IL1RAPL1: variants seen among roughly 807,000 people sequenced by gnomAD.
IL1RAPL1 encodes the protein interleukin 1 receptor accessory protein like 1, also known as interleukin-1 receptor accessory protein-like 1.
A neutral mutation model predicts 48.4 loss-of-function variants in IL1RAPL1; 3 were observed. The observed-to-expected ratio is 0.06, with a 90% CI of 0.03 to 0.16. The LOEUF (loss-of-function observed/expected upper bound fraction) is 0.16, where lower values mean the gene tolerates loss of function less well. Among genes scored for constraint, IL1RAPL1 ranks in the 10% least tolerant of loss-of-function variants. The pLI is 1.00. For missense variants in IL1RAPL1, 349 were observed against 530.6 expected, an observed-to-expected ratio of 0.66 and a Z score of 3.36; for synonymous variants, 185 against 187.7, an observed-to-expected ratio of 0.99 and a Z score of 0.12.
intron 6 of IL1RAPL1, among the ~76,000 whole-genome samples, chrX:29,747,465 A>G (rs1928360418): frequency 8.9e-6 from 1 of 112,503 alleles, no homozygotes; most frequent in African/African-American, 3.2e-5. Flanking sequence ...TTATTTATCA[A>G]GAGGGCTCTT....
chrX:28,863,371 A>G lies in IL1RAPL1; in HGVS notation c.82+73946A>G, dbSNP rs891874234. Among the ~76,000 whole-genome samples, 4 of 107,781 alleles carry G rather than the reference A, an allele frequency of 3.7e-5. No homozygotes were observed. The Admixed American group carries it at 4.0e-4, about 11-fold the overall frequency. 93.6% of individuals were successfully genotyped at this position (107,781 alleles called of 115,157 possible). A position where few individuals can be genotyped will look rare whatever the true frequency, so the allele number is the denominator to read the frequency against. ...AATGAGTGTGGTTGTGTTCCAATAA[A>G]CCTTGATTTACAGAAACAGATGCTT... On this transcript the variant is annotated intron_variant, in intron 2 of 10. Coordinates refer to ENST00000378993, the MANE Select transcript of IL1RAPL1 (RefSeq NM_014271.4).
chrX:28,899,224 A>G (rs893289164), intron 2 of IL1RAPL1, among the ~76,000 whole-genome samples: 4 of 111,502 alleles, frequency 3.6e-5, no homozygotes, highest in Non-Finnish European at 5.7e-5. Flanking sequence ...AGCCCCCATG[A>G]TCCAATTACC....
intron 1 of IL1RAPL1, among the ~76,000 whole-genome samples, chrX:28,600,082 A>G (rs1934005072): frequency 8.9e-6 from 1 of 111,806 alleles, no homozygotes. Flanking sequence ...GGATGGGTAT[A>G]CAGGCCATTA....
In IL1RAPL1 at chrX:28,868,098, CAAA is replaced by C. The variant is rs764922491; in HGVS notation, c.82+78679_82+78681del. Among the ~76,000 whole-genome samples the C allele has an allele frequency of 2.7e-5, 3 of 110,901 alleles. No individual in the cohort carries two copies. The South Asian group carries it at 1.1e-3, about 42-fold the overall frequency. ...ATATCAGTTTATGACAGTATAACTA[CAAA>C]AAAAAGTATAGTCACCAAAGTAAAC... On this transcript the variant is annotated intron_variant, in intron 2 of 10. Coordinates refer to ENST00000378993, the MANE Select transcript of IL1RAPL1 (RefSeq NM_014271.4).
intron 2 of IL1RAPL1, among the ~76,000 whole-genome samples, chrX:29,030,352 A>G (rs1347393716): frequency 9.0e-6 from 1 of 111,467 alleles, no homozygotes; most frequent in Non-Finnish European, 1.9e-5. Flanking sequence ...GGACACTTTA[A>G]CAATATTGAG....
intron 9 of IL1RAPL1, among the ~76,000 whole-genome samples, chrX:29,953,914 A>G (rs1933363517): frequency 9.1e-6 from 1 of 110,301 alleles, no homozygotes; most frequent in Non-Finnish European, 1.9e-5. Context: ...ACAAGCAGTC[A>G]AGATTCTCTG....
At chrX:29,276,989 A>G (rs752612416) in intron 2 of IL1RAPL1, among the ~76,000 whole-genome samples, 69 of 112,459 alleles carry the variant, frequency 6.1e-4, no homozygotes, top group African/African-American at 2.2e-3. Context: ...AATGAAATAC[A>G]TGTAAGCAAA....
chrX:29,801,017 A>C (rs55878637), intron 6 of IL1RAPL1, among the ~76,000 whole-genome samples: 21 of 71,313 alleles, frequency 2.9e-4, no homozygotes, highest in African/African-American at 3.8e-4. Context: ...AAAAAAAAAA[A>C]AAAAAAAAAA....
chrX:29,076,802 G>GTCTGTCTGTCTATCTGTCTA lies in IL1RAPL1; in HGVS notation c.83-206133_83-206132insGTCTGTCTATCTGTCTATCT, dbSNP rs568595100. 5.1e-5 allele frequency among the ~76,000 whole-genome samples: 5 copies of GTCTGTCTGTCTATCTGTCTA among 97,272 alleles called. No homozygotes were observed. In the South Asian group the frequency reaches 2.6e-3, roughly 51 times the overall value. 84.5% of individuals were successfully genotyped at this position (97,272 alleles called of 115,157 possible). ...TATCTGTCTGTCTGTCTGTCTGTCT[G>GTCTGTCTGTCTATCTGTCTA]TCTATCTATCTATCTATCTATCTAT... On this transcript the variant is annotated intron_variant, in intron 2 of 10. Coordinates refer to ENST00000378993, the MANE Select transcript of IL1RAPL1 (RefSeq NM_014271.4).
chrX:29,600,876 G>C (rs953357584), intron 5 of IL1RAPL1, among the ~76,000 whole-genome samples: 3 of 111,047 alleles, frequency 2.7e-5, no homozygotes, highest in Non-Finnish European at 3.8e-5. Context: ...ATCTCACCCC[G>C]CTCCCACACA....
At chrX:28,863,171 C>T (rs1292886474) in intron 2 of IL1RAPL1, among the ~76,000 whole-genome samples, 5 of 111,575 alleles carry the variant, frequency 4.5e-5, no homozygotes, top group East Asian at 2.8e-4. Flanking sequence ...TGAGCCACTG[C>T]GCCTGGTCTC....
intron 8 of IL1RAPL1, among the ~76,000 whole-genome samples, chrX:29,921,181 ATTGT>A (rs1454648506): frequency 1.8e-5 from 2 of 112,261 alleles, no homozygotes; most frequent in African/African-American, 6.5e-5. Context: ...TGTTAGTAAA[ATTGT>A]TTGTGTATAT....
At chrX:29,262,663 CAAA>C (rs768734185) in intron 2 of IL1RAPL1, among the ~76,000 whole-genome samples, 2 of 78,260 alleles carry the variant, frequency 2.6e-5, no homozygotes. Flanking sequence ...AACTCCATCT[CAAA>C]AAAAAAAAAA....
At chrX:29,669,032 T>G (rs747218174) in intron 6 of IL1RAPL1, among the ~76,000 whole-genome samples, 1 of 111,638 alleles carries the variant, frequency 9.0e-6, no homozygotes, top group Non-Finnish European at 1.9e-5. Flanking sequence ...ACTAGCAGAT[T>G]TGGGACATAA....
At chrX:29,634,204 G>A (rs907660511) in intron 5 of IL1RAPL1, among the ~76,000 whole-genome samples, 4 of 111,807 alleles carry the variant, frequency 3.6e-5, no homozygotes, top group African/African-American at 9.8e-5. Context: ...GAGATACGAG[G>A]TACTTCTGGA....
chrX:28,842,861 T>C (rs1921409505), intron 2 of IL1RAPL1, among the ~76,000 whole-genome samples: 1 of 111,353 alleles, frequency 9.0e-6, no homozygotes, highest in Middle Eastern at 4.6e-3. Context: ...TTTTGCCTCA[T>C]ACAGAATAAG....
At chrX:29,898,820 AT>A (rs1932440674) in intron 6 of IL1RAPL1, among the ~76,000 whole-genome samples, 1 of 112,278 alleles carries the variant, frequency 8.9e-6, no homozygotes, top group South Asian at 3.7e-4. Context: ...GTATTAAAAA[AT>A]AAATAAAATA....
chrX:28,999,426 C>A (rs908955305), intron 2 of IL1RAPL1, among the ~76,000 whole-genome samples: 3 of 111,503 alleles, frequency 2.7e-5, no homozygotes, highest in Non-Finnish European at 5.7e-5. Context: ...TTTATGCTAG[C>A]CCAATCCCTG....
At chrX:29,578,914 G>A (rs1265788425) in intron 5 of IL1RAPL1, among the ~76,000 whole-genome samples, 1 of 111,785 alleles carries the variant, frequency 8.9e-6, no homozygotes, top group Non-Finnish European at 1.9e-5. Flanking sequence ...GGGCAATTTG[G>A]GCTGTGTTCT....
Sources: gnomAD v4.1 joint callset for allele counts (sites outside exome capture counted in the v4.1 genomes callset) on GRCh38, gnomAD v4.1.1 for gene constraint, MANE v1.5 for transcripts, NCBI Gene and HGNC (gene_info 2026-07-23, HGNC 2026-07-21) for gene names.